PPP1R13L: variants seen among roughly 807,000 people sequenced by gnomAD.
The protein encoded by PPP1R13L is relA-associated inhibitor.
Under a neutral mutation model 80.9 loss-of-function variants are expected in PPP1R13L, and 50 were observed. That is an observed-to-expected ratio of 0.62 (90% confidence interval 0.49 to 0.78). The LOEUF (loss-of-function observed/expected upper bound fraction) is 0.78. Ranked by LOEUF, PPP1R13L falls within the 30% of genes least tolerant of loss-of-function variation. The pLI is 0.00. For missense variants in PPP1R13L, 1,200 were observed against 1,205.9 expected (o/e 1.00, Z 0.07); for synonymous variants, 602 against 534.3 (o/e 1.13, Z -1.75).
chr19:45,380,850 A>AG (rs914774201), intron 12 of PPP1R13L, among the ~76,000 whole-genome samples: 15 of 101,702 alleles, frequency 1.5e-4, no homozygotes, highest in Admixed American at 1.4e-3. Context: ...ACACACACAC[A>AG]GAAAAAAAAA....
rs1973113280 is a variant in PPP1R13L, at chr19:45,396,892, CGCG to C, written c.362_364del (p.Pro121del). 6.6e-7 allele frequency: 1 copy of C among 1,521,470 alleles called. No homozygotes were observed. 94.2% of individuals were successfully genotyped at this position (1,521,470 alleles called of 1,614,324 possible). On this transcript the variant is annotated inframe_deletion, in exon 4 of 13. Coordinates refer to ENST00000360957, the MANE Select transcript of PPP1R13L (RefSeq NM_006663.4). The surrounding 1 kb of genome is among the most constrained non-coding windows in gnomAD (Gnocchi z 5.3). ...GTCCGGCTGCAGGTAGAGCGGGGTGCGCGGCGACGACGGCCGTCCCTTGGGGGA... is the reference window on the plus strand; with the variant it reads ...GTCCGGCTGCAGGTAGAGCGGGGTGCGCGACGACGGCCGTCCCTTGGGGGA...
Position 45,400,760 on chromosome 19 carries a change from ATTTTTTTTTTTTTT to A in PPP1R13L, c.-21-2435_-21-2422del, listed in dbSNP as rs887299061. 5.0e-4 allele frequency among the ~76,000 whole-genome samples: 13 copies of A among 25,966 alleles called. 5 individuals carry two copies. The East Asian group carries it at 0.011, about 21-fold the overall frequency. The allele number at this position is 25,966 out of a possible 152,430, so 17.0% of individuals were successfully genotyped here. A position where few individuals can be genotyped will look rare whatever the true frequency, so the allele number is the denominator to read the frequency against. On this transcript the variant is annotated intron_variant, in intron 1 of 12. Coordinates refer to ENST00000360957, the MANE Select transcript of PPP1R13L (RefSeq NM_006663.4). Reference sequence around the variant, plus strand: ...AGCCTCGCACCACCACACCCAGCTAATTTTTTTTTTTTTTTTTTTTTTTTTTTTTTTTTTGAGAC... The same window carrying A: ...AGCCTCGCACCACCACACCCAGCTAATTTTTTTTTTTTTTTTTTTTGAGAC...
intron 1 of PPP1R13L, among the ~76,000 whole-genome samples, chr19:45,403,301 A>AT (rs558183095): frequency 2.4e-4 from 37 of 151,736 alleles, no homozygotes; most frequent in South Asian, 6.3e-4. Context: ...ACTCAATGTA[A>AT]TTTTTTTTTC....
At chr19:45,394,432 C>T (rs945866929) in intron 7 of PPP1R13L, among the ~76,000 whole-genome samples, 9 of 151,878 alleles carry the variant, frequency 5.9e-5, no homozygotes, top group Admixed American at 2.6e-4. Flanking sequence ...GGGTGAGCCA[C>T]GGTGCCTGGC....
chr19:45,387,443 T>G (rs942318448), intron 8 of PPP1R13L, among the ~76,000 whole-genome samples: 2 of 152,188 alleles, frequency 1.3e-5, no homozygotes, highest in African/African-American at 4.8e-5. Context: ...TCCAATATGT[T>G]GTGATTGCAG....
intron 1 of PPP1R13L, among the ~76,000 whole-genome samples, chr19:45,402,661 T>C (rs1464335166): frequency 6.6e-6 from 1 of 152,142 alleles, no homozygotes; most frequent in East Asian, 1.9e-4. Flanking sequence ...GGGCCGTGTG[T>C]CTGTTCCCAG....
intron 1 of PPP1R13L, among the ~76,000 whole-genome samples, chr19:45,399,459 C>CA (rs1973188051): frequency 1.3e-5 from 2 of 149,900 alleles, no homozygotes; most frequent in South Asian, 2.1e-4. Context: ...CCCGTCTCTA[C>CA]TAAAAATACC....
intron 7 of PPP1R13L, among the ~76,000 whole-genome samples, chr19:45,393,451 G>A (rs1973020381): frequency 6.6e-6 from 1 of 151,882 alleles, no homozygotes; most frequent in African/African-American, 2.4e-5. Flanking sequence ...AATTAGTTGG[G>A]TGTGGTGGTG....
intron 7 of PPP1R13L, among the ~76,000 whole-genome samples, chr19:45,394,043 C>T (rs1376647915): frequency 6.6e-6 from 1 of 152,176 alleles, no homozygotes. Context: ...TTCAGTCACA[C>T]AGCAAGTTAG....
At chr19:45,395,397 C>A in intron 7 of PPP1R13L, 39 bp downstream of exon 7, 1 of 1,569,948 alleles carries the variant, frequency 6.4e-7, no homozygotes, top group Non-Finnish European at 8.6e-7. Flanking sequence ...ATTTGTCCTC[C>A]CTTCACCCAG....
rs1329190467 is a variant in PPP1R13L at position 45,396,651 on chromosome 19, C to T, written c.606G>A (p.Pro202=). The T allele has an allele frequency of 4.8e-6, 7 of 1,467,576 alleles. No homozygotes were observed. The Admixed American group carries it at 7.4e-5, about 16-fold the overall frequency. The allele number at this position is 1,467,576 out of a possible 1,614,324, so 90.9% of individuals were successfully genotyped here. The change falls in exon 4 of 13, where the codon CCG becomes CCA. Residue 202 remains proline (P), a synonymous_variant. Transcript: ENST00000360957. This position sits in a 1 kb window ranked among gnomAD's most constrained non-coding sequence, Gnocchi z 5.3. ...AGGCTGTGGCAGGGGGGCGCGGTGA[C>T]GGCCCACGCTCGGGGAAGAAGGCCT... The part of the protein sequence containing the change: ...GPQAFFPERG[P]SPRPPATAYD...
At chr19:45,383,420 A>C (rs2123348612) in intron 11 of PPP1R13L, among the ~76,000 whole-genome samples, 1 of 143,976 alleles carries the variant, frequency 6.9e-6, no homozygotes, top group East Asian at 2.1e-4. Context: ...TCAGCCTTCC[A>C]AGTAGCTGGG....
rs774782626 is a variant in PPP1R13L, at chr19:45,396,229, G to A, written c.842C>T (p.Pro281Leu). The A allele has an allele frequency of 2.5e-6, 4 of 1,609,872 alleles. No individual in the cohort carries two copies. The South Asian group carries it at 3.3e-5, about 13-fold the overall frequency. The change falls in exon 6 of 13, where the codon CCG (proline) becomes CTG (leucine). Residue 281 changes from proline (P) to leucine (L), a missense_variant. Pro to Leu is a moderately conservative substitution (Grantham distance 98, BLOSUM62 -3). Transcript: ENST00000360957. This position sits in a 1 kb window ranked among gnomAD's most constrained non-coding sequence, Gnocchi z 5.3. ...CCTCCAAGGCAACAGCTGCAGGCTC[G>A]GCGAGGCAGGCCTTGCGAAGACGTC... ...RLDVFARPAS[P>L]SLQLLPWRES...
intron 12 of PPP1R13L, 82 bp downstream of exon 12, chr19:45,382,445 C>T (rs1300845680): frequency 2.1e-5 from 32 of 1,495,914 alleles, no homozygotes; most frequent in Admixed American, 3.6e-5. Flanking sequence ...GTTCCTGTTG[C>T]CTCTTCTTTT....
In PPP1R13L at chr19:45,392,180, G is replaced by A. The variant is rs145072585; in HGVS notation, c.1515C>T (p.Pro505=). The A allele has an allele frequency of 1.9e-5, 31 of 1,608,750 alleles. No individual in the cohort carries two copies. Among genetic ancestry groups the A allele is most frequent in the African/African-American group, 1.9e-4 (14 of 74,980 alleles). The change falls in exon 8 of 13, where the codon CCC becomes CCT. Residue 505 remains proline, a synonymous_variant. Transcript: ENST00000360957. ...ACACCCGTGCCACCTCCTCCAGCTC[G>A]GGCACCGACTGTGCCTCCGGTGGCA... ...PALPPEAQSV[P]ELEEVARVLA...
intron 7 of PPP1R13L, 34 bp downstream of exon 7, chr19:45,395,402 A>G: frequency 6.9e-7 from 1 of 1,442,388 alleles, no homozygotes. Context: ...TCCTCCCTTC[A>G]CCCAGTCCTC....
At chr19:45,399,947 T>C (rs1973198819) in intron 1 of PPP1R13L, among the ~76,000 whole-genome samples, 1 of 144,966 alleles carries the variant, frequency 6.9e-6, no homozygotes, top group African/African-American at 2.5e-5. Flanking sequence ...AGGCTCTATT[T>C]AAAAAAAAAA....
Position 45,382,609 on chromosome 19 carries a change from C to T in PPP1R13L, c.2366G>A (p.Arg789Gln), listed in dbSNP as rs200170726. 4 of 1,613,708 alleles carry T rather than the reference C, an allele frequency of 2.5e-6. No individual in the cohort carries two copies. The East Asian group carries it at 6.7e-5, about 27-fold the overall frequency. Reference protein sequence around the residue: ...FREGESVTVLRRDGPEETDWW... With the variant: ...FREGESVTVLQRDGPEETDWW... ...GTCGGTCTCCTCCGGCCCGTCCCTCCGCAGCACGGTGACCGACTCGCCCTC... is the reference window on the plus strand; with the variant it reads ...GTCGGTCTCCTCCGGCCCGTCCCTCTGCAGCACGGTGACCGACTCGCCCTC... The change falls in exon 12 of 13, where the codon CGG becomes CAG. Residue 789 changes from arginine (R) to glutamine (Q), a missense_variant. Around this residue, in one of 5 missense-constraint regions of PPP1R13L, gnomAD observed 165 missense variants for 177.1 expected, o/e 0.93. Transcript: ENST00000360957.
Position 45,382,636 on chromosome 19 carries a change from C to T in PPP1R13L, c.2339G>A (p.Arg780His). Reference sequence around the variant, plus strand: ...CAGCACGGTGACCGACTCGCCCTCGCGGAAGGACAGCTCGTCCCCGAACTC... The same window carrying T: ...CAGCACGGTGACCGACTCGCCCTCGTGGAAGGACAGCTCGTCCCCGAACTC... The part of the protein sequence containing the change: ...SAEFGDELSF[R>H]EGESVTVLRR... The change falls in exon 12 of 13, where the codon CGC (arginine) becomes CAC (histidine). Residue 780 changes from arginine (R) to histidine (H), a missense_variant. This residue lies in a region of PPP1R13L where 165 missense variants were observed against 177.1 expected (regional missense o/e 0.93). Transcript: ENST00000360957. 6.2e-7 allele frequency: 1 copy of T among 1,613,868 alleles called. No homozygotes were observed. The highest frequency in any genetic ancestry group is 1.3e-5 in the African/African-American group (1 of 75,082).
Sources: allele counts gnomAD v4.1 joint callset (sites outside exome capture counted in the v4.1 genomes callset), GRCh38; gene constraint gnomAD v4.1.1; regional missense constraint gnomAD v4.1.1; non-coding constraint Gnocchi (gnomAD v3.1); transcripts MANE v1.5; gene names NCBI Gene and HGNC (gene_info 2026-07-23, HGNC 2026-07-21).